Variants in ARHGAP15 observed in about 807,000 individuals in gnomAD.
ARHGAP15 encodes the protein Rho GTPase activating protein 15, also known as rho GTPase-activating protein 15.
In ARHGAP15, 51 loss-of-function variants were observed where a neutral mutation model predicts 63.7. The ratio of observed to expected loss-of-function variants is 0.80; its 90% CI spans 0.64 to 1.01. ARHGAP15 has a LOEUF of 1.01. Ranked by LOEUF, ARHGAP15 falls within the 50% of genes least tolerant of loss-of-function variation. ARHGAP15 has a pLI of 0.00. For synonymous variants in ARHGAP15, 191 were observed against 193.8 expected, an observed-to-expected ratio of 0.99 and a Z score of 0.12; for missense variants, 560 against 564.6, an observed-to-expected ratio of 0.99 and a Z score of 0.08.
At chr2:143,480,911 A>G (rs1692048790) in intron 8 of ARHGAP15, 2 of 152,256 alleles carry the variant, frequency 1.3e-5, no homozygotes, top group South Asian at 2.1e-4. Flanking sequence ...TCTTTTTTTC[A>G]ATCAATTTGG....
At chr2:143,644,314 C>G (rs189617103) in intron 12 of ARHGAP15, among the ~76,000 whole-genome samples, 4 of 152,152 alleles carry the variant, frequency 2.6e-5, no homozygotes, top group Admixed American at 1.3e-4. Flanking sequence ...ATTCCTTCCT[C>G]TGGGTACAGG....
chr2:143,338,376 A>G (rs982585547), intron 6 of ARHGAP15, among the ~76,000 whole-genome samples: 4 of 152,208 alleles, frequency 2.6e-5, no homozygotes, highest in African/African-American at 7.2e-5. Context: ...GATCAGATTC[A>G]ATGGTTCTTT....
chr2:143,454,797 G>A (rs1574471981), intron 8 of ARHGAP15, among the ~76,000 whole-genome samples: 1 of 151,980 alleles, frequency 6.6e-6, no homozygotes, highest in Non-Finnish European at 1.5e-5. Flanking sequence ...CCTAAAAATG[G>A]GAATGCTTAT....
chr2:143,380,685 A>G (rs921754997), intron 6 of ARHGAP15, among the ~76,000 whole-genome samples: 1 of 152,142 alleles, frequency 6.6e-6, no homozygotes, highest in African/African-American at 2.4e-5. Flanking sequence ...TTGTATATAC[A>G]TAAAATGAAG....
At chr2:143,427,053 C>T (rs1689165274) in intron 6 of ARHGAP15, among the ~76,000 whole-genome samples, 1 of 152,092 alleles carries the variant, frequency 6.6e-6, no homozygotes, top group Non-Finnish European at 1.5e-5. Flanking sequence ...ATGTGAAAAC[C>T]TGAATCTAAT....
intron 4 of ARHGAP15, among the ~76,000 whole-genome samples, chr2:143,218,823 T>C (rs1692874054): frequency 6.6e-6 from 1 of 152,186 alleles, no homozygotes; most frequent in African/African-American, 2.4e-5. Context: ...TATGTTGCTG[T>C]GCTGAATACT....
chr2:143,736,168 G>A (rs1685737284), intron 13 of ARHGAP15, among the ~76,000 whole-genome samples: 1 of 152,028 alleles, frequency 6.6e-6, no homozygotes, highest in Non-Finnish European at 1.5e-5. Flanking sequence ...CCGGAGGTCA[G>A]GAGTGGATCA....
intron 11 of ARHGAP15, among the ~76,000 whole-genome samples, chr2:143,579,768 G>T (rs776764057): frequency 1.8e-4 from 28 of 151,712 alleles, no homozygotes; most frequent in Admixed American, 6.6e-5. Context: ...TAAATATTTG[G>T]GGGGTATAAT....
At chr2:143,617,017 C>T (rs769320708) in intron 11 of ARHGAP15, among the ~76,000 whole-genome samples, 7 of 152,134 alleles carry the variant, frequency 4.6e-5, no homozygotes, top group Non-Finnish European at 5.9e-5. Context: ...AATATGAAAA[C>T]GGCAATCATG....
rs190236551 is a variant in ARHGAP15 at position 143,239,301 on chromosome 2, G to A, written c.384+10633G>A. Among the ~76,000 whole-genome samples the A allele has an allele frequency of 1.2e-4, 19 of 152,248 alleles. No homozygotes were observed. In the East Asian group the frequency reaches 3.7e-3, roughly 29 times the overall value. ...ACTTCCATTACCTAATTTTTTGTGT[G>A]CAATGAAAACATTTAAAATATAATC... On this transcript the variant is annotated intron_variant, in intron 5 of 13. Transcript: ENST00000295095.
At chr2:143,207,020 A>G (rs570316167) in intron 3 of ARHGAP15, among the ~76,000 whole-genome samples, 22 of 151,538 alleles carry the variant, frequency 1.5e-4, no homozygotes, top group African/African-American at 5.1e-4. Context: ...AAAAATTATA[A>G]TATATATAAA....
At chr2:143,699,974 C>T (rs1684013868) in intron 12 of ARHGAP15, among the ~76,000 whole-genome samples, 1 of 152,120 alleles carries the variant, frequency 6.6e-6, no homozygotes, top group East Asian at 1.9e-4. Flanking sequence ...AACCAAGGTC[C>T]ACATATTCCA....
At chr2:143,342,276 C>T (rs567606017) in intron 6 of ARHGAP15, among the ~76,000 whole-genome samples, 1 of 151,926 alleles carries the variant, frequency 6.6e-6, no homozygotes, top group Non-Finnish European at 1.5e-5. Flanking sequence ...AGAAAGAACA[C>T]TCATAAGGGA....
chr2:143,463,665 C>T (rs1691069358), intron 8 of ARHGAP15, among the ~76,000 whole-genome samples: 1 of 152,178 alleles, frequency 6.6e-6, no homozygotes, highest in South Asian at 2.1e-4. Context: ...AGTGGTACTG[C>T]TTCTCTGTTG....
chr2:143,170,689 C>G (rs1186413141), intron 2 of ARHGAP15, among the ~76,000 whole-genome samples: 5 of 152,076 alleles, frequency 3.3e-5, no homozygotes. Flanking sequence ...AAACTCAACC[C>G]CCTGCCTAGT....
At chr2:143,147,446 CT>C (rs879625368) in intron 1 of ARHGAP15, among the ~76,000 whole-genome samples, 1 of 151,980 alleles carries the variant, frequency 6.6e-6, no homozygotes, top group African/African-American at 2.4e-5. Context: ...ACTTATGCCC[CT>C]TATGGCTCTC....
chr2:143,586,105 G>A (rs961718776), intron 11 of ARHGAP15, among the ~76,000 whole-genome samples: 3 of 152,050 alleles, frequency 2.0e-5, no homozygotes, highest in Non-Finnish European at 4.4e-5. Flanking sequence ...GTAGCACTCA[G>A]TGTTGCTGTG....
chr2:143,677,232 G>T (rs556806290), intron 12 of ARHGAP15, among the ~76,000 whole-genome samples: 2 of 152,226 alleles, frequency 1.3e-5, no homozygotes, highest in Non-Finnish European at 2.9e-5. Flanking sequence ...GCTTGCTCAG[G>T]GATTTATGTG....
At chr2:143,274,792 T>TGTATAA (rs1353546459) in intron 6 of ARHGAP15, among the ~76,000 whole-genome samples, 1 of 152,146 alleles carries the variant, frequency 6.6e-6, no homozygotes, top group Non-Finnish European at 1.5e-5. Context: ...TGCCCAACAG[T>TGTATAA]CTTTGAGAAC....
Sources: allele counts gnomAD v4.1 joint callset (sites outside exome capture counted in the v4.1 genomes callset), GRCh38; gene constraint gnomAD v4.1.1; transcripts MANE v1.5; gene names NCBI Gene and HGNC (gene_info 2026-07-23, HGNC 2026-07-21).